Variants in EFCAB6 observed in about 807,000 individuals in gnomAD.
The protein encoded by EFCAB6 is EF-hand calcium-binding domain-containing protein 6.
Under a neutral mutation model 169.8 loss-of-function variants are expected in EFCAB6, and 156 were observed. That is an observed-to-expected ratio of 0.92 (90% confidence interval 0.81 to 1.05). The LOEUF (loss-of-function observed/expected upper bound fraction) is 1.05, where lower values mean the gene tolerates loss of function less well. Ranked by LOEUF, EFCAB6 falls within the 50% of genes least tolerant of loss-of-function variation. The probability of loss-of-function intolerance (pLI) is 0.00; values close to 1 mark genes in which losing one functional copy is unlikely to be tolerated. For missense variants in EFCAB6, 1,800 were observed against 1,829.1 expected, an observed-to-expected ratio of 0.98 and a Z score of 0.29; for synonymous variants, 698 against 676.4, an observed-to-expected ratio of 1.03 and a Z score of -0.50.
intron 29 of EFCAB6, 124 bp from the exon 30 acceptor site, chr22:43,534,996 A>G: frequency 1.0e-6 from 1 of 994,348 alleles, no homozygotes; most frequent in South Asian, 1.6e-5. Flanking sequence ...CTCACATCAA[A>G]GAACTCACGG....
intron 3 of EFCAB6, among the ~76,000 whole-genome samples, chr22:43,776,195 A>G (rs865852798): frequency 6.6e-6 from 1 of 152,158 alleles, no homozygotes. Context: ...CAAGTGTGGG[A>G]ACCACCTGCA....
chr22:43,614,714 CAT>C (rs2053574385), intron 21 of EFCAB6, among the ~76,000 whole-genome samples: 1 of 152,070 alleles, frequency 6.6e-6, no homozygotes, highest in Non-Finnish European at 1.5e-5. Context: ...CAGTCCACTC[CAT>C]AGAGTACACA....
intron 10 of EFCAB6, among the ~76,000 whole-genome samples, chr22:43,691,685 A>AATTTATTTTATTATTTT (rs1332472942): frequency 5.9e-5 from 9 of 152,210 alleles, no homozygotes; most frequent in Admixed American, 5.9e-4. Context: ...ATATGCAATA[A>AATTTATTTTATTATTTT]ATTGTTAAAA....
intron 10 of EFCAB6, among the ~76,000 whole-genome samples, chr22:43,701,619 CAT>C (rs34299413): frequency 0.28 from 41,636 of 150,572 alleles, 6,806 homozygotes; most frequent in East Asian, 0.63. Flanking sequence ...GAGGAAATAA[CAT>C]ATTATTTAAT....
chr22:43,711,712 CA>C, intron 9 of EFCAB6, 89 bp from the exon 10 acceptor site: 1 of 1,476,798 alleles, frequency 6.8e-7, no homozygotes, highest in Non-Finnish European at 9.0e-7. Flanking sequence ...AAAACCTCTT[CA>C]AATTTTTCTC....
intron 29 of EFCAB6, chr22:43,536,090 T>C (rs2047369039): frequency 6.6e-6 from 1 of 151,770 alleles, no homozygotes; most frequent in Non-Finnish European, 1.5e-5. Context: ...AATAACTGAG[T>C]GGGGACTTAA....
chr22:43,614,791 A>G (rs1313010855), intron 21 of EFCAB6, among the ~76,000 whole-genome samples: 2 of 152,226 alleles, frequency 1.3e-5, no homozygotes, highest in South Asian at 2.1e-4. Flanking sequence ...CCCACAGCAC[A>G]GACAGTCCAC....
intron 27 of EFCAB6, among the ~76,000 whole-genome samples, chr22:43,546,359 G>A (rs1244651817): frequency 3.9e-5 from 6 of 152,162 alleles, no homozygotes; most frequent in Admixed American, 1.3e-4. Flanking sequence ...CATCAGAGCC[G>A]CCTGGAGTGC....
chr22:43,784,541 G>GTATATATACACATATA (rs1357869252), intron 2 of EFCAB6, among the ~76,000 whole-genome samples: 5 of 79,706 alleles, frequency 6.3e-5, no homozygotes, highest in Non-Finnish European at 9.7e-5. Flanking sequence ...GTGTGTGTGT[G>GTATATATACACATATA]TGTATATGTA....
chr22:43,616,776 G>A (rs1319311960), intron 20 of EFCAB6, among the ~76,000 whole-genome samples: 1 of 152,206 alleles, frequency 6.6e-6, no homozygotes, highest in Non-Finnish European at 1.5e-5. Flanking sequence ...GCACAGTAAA[G>A]GCTGAGGCTG....
chr22:43,572,608 G>A lies in EFCAB6; in HGVS notation c.3420+3689C>T, dbSNP rs1602341781. 6.6e-6 allele frequency among the ~76,000 whole-genome samples: 1 copy of A among 152,148 alleles called. No individual in the cohort carries two copies. Among genetic ancestry groups the A allele is most frequent in the South Asian group, 2.1e-4 (1 of 4,824 alleles). On this transcript the variant is annotated intron_variant, in intron 26 of 31. Coordinates refer to ENST00000262726, the MANE Select transcript of EFCAB6 (RefSeq NM_022785.4). The surrounding 1 kb of genome is among the most constrained non-coding windows in gnomAD (Gnocchi z 4.0). Reference sequence around the variant, plus strand: ...CCAAACCAGTTGGCCCCTTCCTGTGGATGCCATCGCACTAGCAGTGCCGGC... The same window carrying A: ...CCAAACCAGTTGGCCCCTTCCTGTGAATGCCATCGCACTAGCAGTGCCGGC...
intron 27 of EFCAB6, among the ~76,000 whole-genome samples, chr22:43,541,970 G>T (rs562605514): frequency 6.6e-6 from 1 of 152,386 alleles, no homozygotes; most frequent in Non-Finnish European, 1.5e-5. Context: ...AGACCCAGGG[G>T]AAGGATGCTT....
intron 10 of EFCAB6, among the ~76,000 whole-genome samples, chr22:43,705,193 T>C (rs908568669): frequency 6.6e-6 from 1 of 152,136 alleles, no homozygotes; most frequent in African/African-American, 2.4e-5. Flanking sequence ...TATAAATTTA[T>C]ATGCACCTAA....
chr22:43,728,407 A>G (rs2059814825), intron 8 of EFCAB6, among the ~76,000 whole-genome samples: 2 of 152,214 alleles, frequency 1.3e-5, no homozygotes, highest in Admixed American at 1.3e-4. Context: ...AATGATTTAT[A>G]ATCTTTTGGG....
chr22:43,578,831 C>A (rs2147278797), intron 25 of EFCAB6, among the ~76,000 whole-genome samples: 1 of 124,668 alleles, frequency 8.0e-6, no homozygotes, highest in Non-Finnish European at 1.9e-5. Context: ...TACACGCAGG[C>A]ATCATTCCGT....
chr22:43,763,611 T>C (rs1488135547), intron 5 of EFCAB6, among the ~76,000 whole-genome samples: 1 of 152,156 alleles, frequency 6.6e-6, no homozygotes, highest in African/African-American at 2.4e-5. Flanking sequence ...AAATTTAATT[T>C]TTTTAATCCC....
chr22:43,647,138 T>C (rs926623338), intron 17 of EFCAB6, among the ~76,000 whole-genome samples: 2 of 120,694 alleles, frequency 1.7e-5, no homozygotes, highest in Non-Finnish European at 3.2e-5. Flanking sequence ...CTAAAAACAT[T>C]CTATACAAAA....
At chr22:43,546,023 A>G (rs2048034357) in intron 27 of EFCAB6, among the ~76,000 whole-genome samples, 1 of 152,224 alleles carries the variant, frequency 6.6e-6, no homozygotes, top group Admixed American at 6.5e-5. Context: ...CAGATATTTG[A>G]TATTAGCTAG....
At chr22:43,729,830 AAATTAC>A (rs1260243484) in intron 8 of EFCAB6, among the ~76,000 whole-genome samples, 1 of 152,186 alleles carries the variant, frequency 6.6e-6, no homozygotes, top group Non-Finnish European at 1.5e-5. Context: ...GGTGAAAATC[AAATTAC>A]AGGTATAGAT....
Sources: allele counts gnomAD v4.1 joint callset (sites outside exome capture counted in the v4.1 genomes callset), GRCh38; gene constraint gnomAD v4.1.1; non-coding constraint Gnocchi (gnomAD v3.1); transcripts MANE v1.5; gene names NCBI Gene and HGNC (gene_info 2026-07-23, HGNC 2026-07-21).